RAB4A: variants seen among roughly 807,000 people sequenced by gnomAD.
The protein encoded by RAB4A is RAB4A, member RAS oncogene family.
Under a neutral mutation model 34.5 loss-of-function variants are expected in RAB4A, and 20 were observed. The observed-to-expected ratio is 0.58, with a 90% CI of 0.41 to 0.84. The LOEUF (loss-of-function observed/expected upper bound fraction) is 0.84, where lower values mean the gene tolerates loss of function less well. RAB4A is among the 40% of genes least tolerant of loss of function. The pLI is 0.00. For synonymous variants in RAB4A, 102 were observed against 100.0 expected, an observed-to-expected ratio of 1.02 and a Z score of -0.12; for missense variants, 228 against 274.5, an observed-to-expected ratio of 0.83 and a Z score of 1.20.
intron 3 of RAB4A, among the ~76,000 whole-genome samples, chr1:229,292,711 AT>A (rs1203197907): frequency 2.0e-5 from 3 of 152,242 alleles, no homozygotes; most frequent in South Asian, 2.1e-4. Flanking sequence ...ATAATTAGTA[AT>A]TTTGTTTGTT....
At chr1:229,294,481 C>T (rs1161645470) in intron 3 of RAB4A, among the ~76,000 whole-genome samples, 1 of 152,202 alleles carries the variant, frequency 6.6e-6, no homozygotes, top group East Asian at 1.9e-4. Context: ...TGGGGAGTAG[C>T]AGAGATGGAC....
chr1:229,286,406 T>TAA, intron 1 of RAB4A, 80 bp from the exon 2 acceptor site: 1 of 849,832 alleles, frequency 1.2e-6, no homozygotes, highest in South Asian at 1.7e-5. Context: ...ACTAAGATAC[T>TAA]AAATTTGATG....
chr1:229,302,752 G>C, intron 6 of RAB4A, 110 bp from the exon 7 acceptor site: 1 of 687,928 alleles, frequency 1.5e-6, no homozygotes, highest in Non-Finnish European at 2.4e-6. Context: ...ATTCAGAATG[G>C]TGGGATATAT....
rs866578256 is a variant in RAB4A, at chr1:229,292,329, A to C, written c.227+3486A>C. Among the ~76,000 whole-genome samples the C allele has an allele frequency of 4.1e-4, 63 of 152,342 alleles. 1 individual carries two copies. The highest frequency in any genetic ancestry group is 6.8e-3 in the Middle Eastern group (2 of 294). ...AATTTGTATAAGAAACTATTTGTCAAGACAGTGTTGTAAAATAAATTTGAA... is the reference window on the plus strand; with the variant it reads ...AATTTGTATAAGAAACTATTTGTCACGACAGTGTTGTAAAATAAATTTGAA... On this transcript the variant is annotated intron_variant, in intron 3 of 7. Coordinates refer to ENST00000366690, the MANE Select transcript of RAB4A (RefSeq NM_004578.4).
intron 1 of RAB4A, among the ~76,000 whole-genome samples, chr1:229,285,307 G>A (rs768544084): frequency 3.9e-5 from 6 of 152,130 alleles, no homozygotes; most frequent in Non-Finnish European, 7.3e-5. Context: ...AACGCGCTCA[G>A]CCTGGAACTT....
At chr1:229,296,741 G>A (rs776699306) in intron 4 of RAB4A, among the ~76,000 whole-genome samples, 3 of 152,152 alleles carry the variant, frequency 2.0e-5, no homozygotes, top group Admixed American at 6.5e-5. Context: ...TCTGTGTCCC[G>A]GGAGCCAGGC....
intron 3 of RAB4A, among the ~76,000 whole-genome samples, chr1:229,290,848 A>G (rs6659709): frequency 0.033 from 5,084 of 152,288 alleles, 303 homozygotes; most frequent in African/African-American, 0.12. Context: ...AGAAGATGCA[A>G]TGACTATTAG....
chr1:229,277,027 A>G (rs1436167530), intron 1 of RAB4A, among the ~76,000 whole-genome samples: 3 of 146,624 alleles, frequency 2.0e-5, no homozygotes, highest in Admixed American at 2.0e-4. Flanking sequence ...GTTTATATAT[A>G]AATTATTTAC....
At chr1:229,282,150 T>A (rs562202298) in intron 1 of RAB4A, among the ~76,000 whole-genome samples, 30 of 152,194 alleles carry the variant, frequency 2.0e-4, no homozygotes, top group African/African-American at 6.5e-4. Context: ...AATTTTTTTT[T>A]AAATCAGAGA....
intron 6 of RAB4A, among the ~76,000 whole-genome samples, chr1:229,302,309 A>ATATATATT (rs1657431515): frequency 1.1e-4 from 4 of 35,904 alleles, no homozygotes; most frequent in African/African-American, 2.4e-4. Flanking sequence ...ATATATATAT[A>ATATATATT]TTTTTTTTTT....
intron 3 of RAB4A, among the ~76,000 whole-genome samples, chr1:229,290,240 T>C (rs1020579354): frequency 6.6e-6 from 1 of 152,014 alleles, no homozygotes. Flanking sequence ...GTCTTTTACG[T>C]TGAAATGGAG....
chr1:229,295,983 C>T, intron 4 of RAB4A, 73 bp downstream of exon 4: 1 of 1,496,700 alleles, frequency 6.7e-7, no homozygotes, highest in South Asian at 1.1e-5. Context: ...TGGCGAGGTG[C>T]CCTCCGTGCA....
intron 1 of RAB4A, among the ~76,000 whole-genome samples, chr1:229,279,085 C>A (rs1656717187): frequency 6.6e-6 from 1 of 152,190 alleles, no homozygotes; most frequent in Admixed American, 6.5e-5. Flanking sequence ...AGACCCTAAG[C>A]CTTTAATTCC....
intron 1 of RAB4A, among the ~76,000 whole-genome samples, chr1:229,272,170 G>A (rs548523853): frequency 6.7e-6 from 1 of 149,814 alleles, no homozygotes; most frequent in Admixed American, 6.6e-5. Flanking sequence ...TAAACAACTT[G>A]TACTTTGTAT....
chr1:229,292,662 A>G (rs544002102), intron 3 of RAB4A, among the ~76,000 whole-genome samples: 1 of 152,358 alleles, frequency 6.6e-6, no homozygotes, highest in Non-Finnish European at 1.5e-5. Context: ...GCTAAAAAGT[A>G]CATTTAAAAG....
At chr1:229,278,932 T>A (rs1656714049) in intron 1 of RAB4A, among the ~76,000 whole-genome samples, 1 of 152,226 alleles carries the variant, frequency 6.6e-6, no homozygotes, top group Non-Finnish European at 1.5e-5. Context: ...TCGGCCCTTA[T>A]AAGAACTGCT....
At chr1:229,271,555 G>T (rs999903377) in intron 1 of RAB4A, among the ~76,000 whole-genome samples, 185 bp downstream of exon 1, 1 of 152,052 alleles carries the variant, frequency 6.6e-6, no homozygotes, top group East Asian at 1.9e-4. Context: ...GGGCTCGGGT[G>T]GGGTAGCGGG....
chr1:229,281,992 C>T (rs1224303572), intron 1 of RAB4A, among the ~76,000 whole-genome samples: 1 of 151,752 alleles, frequency 6.6e-6, no homozygotes, highest in African/African-American at 2.4e-5. Context: ...AGAAGGAAAG[C>T]CTATTGTATT....
chr1:229,304,969 T>G lies in RAB4A; in HGVS notation c.*1176T>G. Reference sequence around the variant, plus strand: ...CTTTCTTTAAAGTTGAAATGCAGTATTATTTAAATCTGAAAGGTTAAAAAG... The same window carrying G: ...CTTTCTTTAAAGTTGAAATGCAGTAGTATTTAAATCTGAAAGGTTAAAAAG... On this transcript the variant is annotated 3_prime_UTR_variant, in exon 8 of 8. Transcript: ENST00000366690. 1.5e-6 allele frequency: 1 copy of G among 682,146 alleles called. No individual in the cohort carries two copies. The highest frequency in any genetic ancestry group is 3.4e-5 in the South Asian group (1 of 29,440). The allele number at this position is 682,146 out of a possible 1,614,324, so 42.3% of individuals were successfully genotyped here. A position where few individuals can be genotyped will look rare whatever the true frequency, so the allele number is the denominator to read the frequency against.
Sources: allele counts gnomAD v4.1 joint callset (sites outside exome capture counted in the v4.1 genomes callset), GRCh38; gene constraint gnomAD v4.1.1; transcripts MANE v1.5; gene names NCBI Gene and HGNC (gene_info 2026-07-23, HGNC 2026-07-21).